The following ITPR2 variants were observed in gnomAD, a reference collection of about 807,000 sequenced individuals.
ITPR2 encodes the protein inositol 1,4,5-trisphosphate receptor type 2.
ITPR2 carries 207 observed loss-of-function variants against 317.1 expected under a neutral mutation model. That is an observed-to-expected ratio of 0.65 (90% confidence interval 0.58 to 0.73). The LOEUF (loss-of-function observed/expected upper bound fraction) is 0.73, where lower values mean the gene tolerates loss of function less well. ITPR2 is among the 30% of genes least tolerant of loss of function. The probability of loss-of-function intolerance (pLI) is 0.00; values close to 1 mark genes in which losing one functional copy is unlikely to be tolerated. For missense variants in ITPR2, 2,613 were observed against 3,284.0 expected (o/e 0.80, Z 4.99); for synonymous variants, 1,156 against 1,149.1 (o/e 1.01, Z -0.12).
At chr12:26,717,600 C>T (rs1948764425) in intron 5 of ITPR2, among the ~76,000 whole-genome samples, 1 of 152,044 alleles carries the variant, frequency 6.6e-6, no homozygotes, top group African/African-American at 2.4e-5. Flanking sequence ...CATTAAGGAG[C>T]AGTATTAAGT....
chr12:26,683,446 C>T (rs1006153772), intron 11 of ITPR2, among the ~76,000 whole-genome samples: 1 of 152,088 alleles, frequency 6.6e-6, no homozygotes, highest in African/African-American at 2.4e-5. Context: ...ATCTAGTGTT[C>T]CTAAAGCACA....
intron 55 of ITPR2, among the ~76,000 whole-genome samples, chr12:26,365,274 AACCTGGGT>A (rs1414151724): frequency 9.2e-5 from 14 of 152,216 alleles, no homozygotes; most frequent in Admixed American, 3.3e-4. Flanking sequence ...TGATTCCTGA[AACCTGGGT>A]ACCTAACAAA....
intron 2 of ITPR2, among the ~76,000 whole-genome samples, chr12:26,783,132 G>T (rs1394660001): frequency 1.3e-5 from 2 of 152,160 alleles, no homozygotes; most frequent in Non-Finnish European, 2.9e-5. Flanking sequence ...TTTCCCCCAA[G>T]TCCCTAATTA....
chr12:26,705,795 C>T (rs1426226177), intron 9 of ITPR2, among the ~76,000 whole-genome samples: 1 of 152,206 alleles, frequency 6.6e-6, no homozygotes, highest in East Asian at 1.9e-4. Context: ...AGAATGCCTT[C>T]AACCCTTCCC....
chr12:26,768,569 T>TA (rs1949776684), intron 2 of ITPR2, among the ~76,000 whole-genome samples: 2 of 14,584 alleles, frequency 1.4e-4, no homozygotes, highest in Non-Finnish European at 1.8e-4. Flanking sequence ...TACAAATATA[T>TA]ATAAAAAAAA....
chr12:26,443,610 G>A lies in ITPR2; in HGVS notation c.6383C>T (p.Pro2128Leu). The change falls in exon 46 of 57, where the codon CCA (proline) becomes CTA (leucine). Residue 2128 changes from proline to leucine, a missense_variant. Pro to Leu is a moderately conservative substitution (Grantham distance 98). Coordinates refer to ENST00000381340, the MANE Select transcript of ITPR2 (RefSeq NM_002223.4). ...ATCTCCTTCATCTGGATCCGATCCT[G>A]GTTTGAGCATCTGCTGCAACAGTTT... ...HNKLLQQMLK[P>L]GSDPDEGDEA... The A allele has an allele frequency of 6.2e-7, 1 of 1,613,122 alleles. No individual in the cohort carries two copies. The highest frequency in any genetic ancestry group is 8.5e-7 in the Non-Finnish European group (1 of 1,179,282).
intron 22 of ITPR2, 103 bp downstream of exon 22, chr12:26,631,762 GC>G: frequency 1.1e-6 from 1 of 931,574 alleles, no homozygotes; most frequent in Non-Finnish European, 1.6e-6. Context: ...TATATTGATA[GC>G]ATTTCAGAAT....
chr12:26,707,884 A>C (rs1415622980), intron 9 of ITPR2, among the ~76,000 whole-genome samples: 1 of 140,282 alleles, frequency 7.1e-6, no homozygotes, highest in Non-Finnish European at 1.6e-5. Context: ...AGGAGCTAAA[A>C]CAACTCAACA....
rs1226251310 is a variant in ITPR2, at chr12:26,754,809, C to CA, written c.164-29045dup. On this transcript the variant is annotated intron_variant, in intron 2 of 56. Transcript: ENST00000381340. ...AAAGCACAATAGGTTTTTCTTAGAG[C>CA]AAAAACCTGCTTATGATCTGCTCTT... is the stretch of plus-strand genomic sequence containing the variant. 2.6e-5 allele frequency among the ~76,000 whole-genome samples: 4 copies of CA among 152,216 alleles called. No individual in the cohort carries two copies. The East Asian group carries it at 7.7e-4, about 29-fold the overall frequency.
intron 37 of ITPR2, among the ~76,000 whole-genome samples, chr12:26,543,564 A>AGGAGTTCAAGACCAGCC (rs1832222211): frequency 6.6e-6 from 1 of 152,184 alleles, no homozygotes; most frequent in Non-Finnish European, 1.5e-5. Flanking sequence ...GCTTGAGGTC[A>AGGAGTTCAAGACCAGCC]GGAGTTCAAG....
intron 35 of ITPR2, among the ~76,000 whole-genome samples, chr12:26,559,115 C>T (rs1431033070): frequency 1.3e-5 from 2 of 152,192 alleles, no homozygotes; most frequent in Non-Finnish European, 2.9e-5. Flanking sequence ...TCACCTTTTG[C>T]CTGAATTAAT....
intron 45 of ITPR2, among the ~76,000 whole-genome samples, chr12:26,468,191 G>A (rs530327228): frequency 1.3e-5 from 2 of 150,368 alleles, no homozygotes; most frequent in Non-Finnish European, 3.0e-5. Context: ...GATCTTAAGG[G>A]TATGAAGGTA....
chr12:26,348,799 T>C (rs766487107), intron 55 of ITPR2, among the ~76,000 whole-genome samples: 1 of 152,130 alleles, frequency 6.6e-6, no homozygotes. Flanking sequence ...ACCATCTTGG[T>C]CAACATAGCA....
intron 37 of ITPR2, among the ~76,000 whole-genome samples, chr12:26,538,290 TG>T (rs1383737596): frequency 1.3e-5 from 2 of 152,136 alleles, no homozygotes; most frequent in African/African-American, 4.8e-5. Context: ...TACTATTATT[TG>T]GGGCATGTAC....
At chr12:26,363,797 T>A (rs1938919858) in intron 55 of ITPR2, among the ~76,000 whole-genome samples, 1 of 152,122 alleles carries the variant, frequency 6.6e-6, no homozygotes, top group Non-Finnish European at 1.5e-5. Flanking sequence ...CAAATTGCAC[T>A]AAGTATGGAG....
chr12:26,800,922 C>A, intron 1 of ITPR2: 1 of 163,452 alleles, frequency 6.1e-6, no homozygotes. Context: ...GCAGCTTCCT[C>A]GAAAGTCATG....
chr12:26,781,791 C>A (rs933286588), intron 2 of ITPR2, among the ~76,000 whole-genome samples: 4 of 151,724 alleles, frequency 2.6e-5, no homozygotes, highest in African/African-American at 9.7e-5. Flanking sequence ...TGGGTGGGCA[C>A]CATCTAATCA....
At chr12:26,659,346 T>C in intron 15 of ITPR2, 61 bp from the exon 16 acceptor site, 2 of 1,392,610 alleles carry the variant, frequency 1.4e-6, no homozygotes, top group Admixed American at 1.8e-5. Context: ...ACAGGTTCTA[T>C]TAGGGTCAAC....
intron 26 of ITPR2, among the ~76,000 whole-genome samples, chr12:26,613,040 G>C (rs1946305594): frequency 6.6e-6 from 1 of 151,962 alleles, no homozygotes; most frequent in East Asian, 1.9e-4. Flanking sequence ...CTATTTTTTG[G>C]GTGTTCATGA....
Sources: gnomAD v4.1 joint callset for allele counts (sites outside exome capture counted in the v4.1 genomes callset) on GRCh38, gnomAD v4.1.1 for gene constraint, MANE v1.5 for transcripts, NCBI Gene and HGNC (gene_info 2026-07-23, HGNC 2026-07-21) for gene names.